The following ANP32A variants were observed in gnomAD, a reference collection of about 807,000 sequenced individuals.
ANP32A encodes the protein acidic nuclear phosphoprotein 32 family member A.
A neutral mutation model predicts 33.9 loss-of-function variants in ANP32A; 1 was observed. That is an observed-to-expected ratio of 0.03 (90% CI 0.01 to 0.14). ANP32A has a LOEUF of 0.14. ANP32A is among the 10% of genes least tolerant of loss of function. The pLI is 1.00. For missense variants in ANP32A, 155 were observed against 306.0 expected (o/e 0.51, Z 3.68); for synonymous variants, 115 against 120.5 (o/e 0.95, Z 0.30).
intron 1 of ANP32A, among the ~76,000 whole-genome samples, chr15:68,820,434 C>T (rs1470851711): frequency 6.6e-6 from 1 of 152,100 alleles, no homozygotes; most frequent in Non-Finnish European, 1.5e-5. Context: ...CACACTCGCA[C>T]GCACACTCTC....
chr15:68,782,935 T>C (rs1337251529), intron 5 of ANP32A, 21 bp downstream of exon 5: 1 of 1,551,278 alleles, frequency 6.4e-7, no homozygotes, highest in Non-Finnish European at 8.7e-7. Context: ...ACGGTGGCCC[T>C]GCCCAGCCCA....
rs553459388 is a variant in ANP32A at position 68,778,939 on chromosome 15, GACAA to G, written c.*1138_*1141del. On this transcript the variant is annotated 3_prime_UTR_variant, in exon 7 of 7. Transcript: ENST00000465139. ...AAAAGATTTATTGAAATTTATCAAT[GACAA>G]ACAGACATAAAACTCAAAGTTTGGC... is the stretch of plus-strand genomic sequence containing the variant. 3.4e-3 allele frequency: 517 copies of G among 152,240 alleles called. 6 individuals carry two copies. The highest frequency in any genetic ancestry group is 0.012 in the African/African-American group (480 of 41,548). The allele number at this position is 152,240 out of a possible 1,614,324, so 9.4% of individuals were successfully genotyped here.
intron 1 of ANP32A, among the ~76,000 whole-genome samples, chr15:68,813,718 A>C (rs1894341348): frequency 6.6e-6 from 1 of 152,202 alleles, no homozygotes; most frequent in African/African-American, 2.4e-5. Flanking sequence ...CTCCTCTTAA[A>C]CTAAGTTAGA....
intron 1 of ANP32A, among the ~76,000 whole-genome samples, chr15:68,812,511 G>C (rs1473458945): frequency 2.0e-5 from 3 of 152,132 alleles, no homozygotes; most frequent in Non-Finnish European, 2.9e-5. Flanking sequence ...GAGAGCAGCT[G>C]GAGAAGATGG....
rs1318967232 is a variant in ANP32A at position 68,787,848 on chromosome 15, T to C, written c.126A>G (p.Glu42=). The change falls in exon 2 of 7, where the codon GAA becomes GAG. Residue 42 remains glutamate (E), a synonymous_variant. Transcript: ENST00000465139. The stretch of plus-strand genomic sequence containing the variant: ...TGATTGTACTTAAGAATTCCAGTTC[T>C]TCAAATTCATCTGTGAGGCCTTCGA... The part of the protein sequence containing the change: ...GKLEGLTDEF[E]ELEFLSTINV... 6.2e-7 allele frequency: 1 copy of C among 1,614,204 alleles called. No homozygotes were observed. Among genetic ancestry groups the C allele is most frequent in the Admixed American group, 1.7e-5 (1 of 60,032 alleles).
chr15:68,780,252 T>C lies in ANP32A; in HGVS notation c.689-110A>G. 2 of 1,565,354 alleles carry C rather than the reference T, an allele frequency of 1.3e-6. No homozygotes were observed. The highest frequency in any genetic ancestry group is 1.7e-6 in the Non-Finnish European group (2 of 1,153,618). Reference sequence around the variant, plus strand: ...CATGACTAGCAAGCTGTGCCATCCTTGGAAACCGAGGCAAGACATCTGCAC... The same window carrying C: ...CATGACTAGCAAGCTGTGCCATCCTCGGAAACCGAGGCAAGACATCTGCAC... On this transcript the variant is annotated intron_variant, in intron 6 of 6. Coordinates refer to ENST00000465139, the MANE Select transcript of ANP32A (RefSeq NM_006305.4). The surrounding 1 kb of genome is among the most constrained non-coding windows in gnomAD (Gnocchi z 4.3).
intron 1 of ANP32A, among the ~76,000 whole-genome samples, chr15:68,806,982 G>A (rs4238419): frequency 1.3e-5 from 2 of 152,230 alleles, no homozygotes; most frequent in East Asian, 1.9e-4. Flanking sequence ...TCTGTACACC[G>A]TCAATGCTGC....
chr15:68,792,625 C>T (rs1021821175), intron 1 of ANP32A, among the ~76,000 whole-genome samples: 21 of 152,170 alleles, frequency 1.4e-4, no homozygotes, highest in African/African-American at 4.8e-4. Context: ...TTGGCCTTTC[C>T]CCTCTGTTCC....
intron 1 of ANP32A, among the ~76,000 whole-genome samples, chr15:68,806,533 C>G (rs1894227203): frequency 6.6e-6 from 1 of 152,218 alleles, no homozygotes; most frequent in African/African-American, 2.4e-5. Flanking sequence ...CCCAGACTCA[C>G]AGACCACACC....
intron 1 of ANP32A, among the ~76,000 whole-genome samples, chr15:68,799,075 A>T (rs1331819420): frequency 6.6e-6 from 1 of 152,256 alleles, no homozygotes; most frequent in African/African-American, 2.4e-5. Context: ...TCTCCCTTAG[A>T]CAAGTGTGAA....
chr15:68,794,974 C>A (rs951622547), intron 1 of ANP32A, among the ~76,000 whole-genome samples: 2 of 152,120 alleles, frequency 1.3e-5, no homozygotes, highest in Non-Finnish European at 2.9e-5. Context: ...CTACAGTCTG[C>A]AAAACTCTGG....
chr15:68,808,944 TTCCAGCCCACACATCCTGCCTCTTAC>T (rs1894276365), intron 1 of ANP32A, among the ~76,000 whole-genome samples: 1 of 152,284 alleles, frequency 6.6e-6, no homozygotes, highest in South Asian at 2.1e-4. Flanking sequence ...GTCTCTGCCC[TTCCAGCCCACACATCCTGCCTCTTAC>T]TTGTTCCCCA....
In ANP32A at chr15:68,784,331, A is replaced by G. The variant is rs1239535802; in HGVS notation, c.526+66T>C. The G allele has an allele frequency of 2.6e-6, 4 of 1,561,560 alleles. No individual in the cohort carries two copies. The East Asian group carries it at 9.5e-5, about 37-fold the overall frequency. On this transcript the variant is annotated intron_variant, in intron 4 of 6. Transcript: ENST00000465139. Reference sequence around the variant, plus strand: ...ACACCCAGCCCACCCACCTCTGCAAAGCCAAGGACGAGCCCCAAGGCCTCA... The same window carrying G: ...ACACCCAGCCCACCCACCTCTGCAAGGCCAAGGACGAGCCCCAAGGCCTCA...
At chr15:68,784,297 G>A in intron 4 of ANP32A, 100 bp downstream of exon 4, 1 of 1,356,676 alleles carries the variant, frequency 7.4e-7, no homozygotes. Flanking sequence ...GCTGGGTGGG[G>A]GCCTCCCAAC....
intron 1 of ANP32A, among the ~76,000 whole-genome samples, chr15:68,818,870 G>C (rs1294244299): frequency 1.3e-5 from 2 of 151,806 alleles, no homozygotes; most frequent in African/African-American, 4.8e-5. Context: ...TAGGCGCCGG[G>C]TCCCGGCCGG....
At chr15:68,782,866 C>T (rs372559498) in intron 5 of ANP32A, 90 bp downstream of exon 5, 1 of 1,518,846 alleles carries the variant, frequency 6.6e-7, no homozygotes. Context: ...CTAACCAGGG[C>T]TCCGGGGCTG....
intron 1 of ANP32A, among the ~76,000 whole-genome samples, chr15:68,809,014 C>T (rs908730046): frequency 4.1e-4 from 62 of 152,228 alleles, no homozygotes; most frequent in African/African-American, 1.5e-3. Flanking sequence ...CACCTTCCCA[C>T]CCACCCTGAG....
At chr15:68,787,148 G>C (rs1893943118) in intron 3 of ANP32A, 1 of 409,322 alleles carries the variant, frequency 2.4e-6, no homozygotes. Context: ...GGAAAAGCAG[G>C]AGACCAGAAA....
At chr15:68,814,887 C>T (rs187083421) in intron 1 of ANP32A, among the ~76,000 whole-genome samples, 3 of 152,194 alleles carry the variant, frequency 2.0e-5, no homozygotes, top group African/African-American at 2.4e-5. Context: ...AAGCTCTAAC[C>T]GTTGCAACCC....
Sources: allele counts gnomAD v4.1 joint callset (sites outside exome capture counted in the v4.1 genomes callset), GRCh38; gene constraint gnomAD v4.1.1; non-coding constraint Gnocchi (gnomAD v3.1); transcripts MANE v1.5; gene names NCBI Gene and HGNC (gene_info 2026-07-23, HGNC 2026-07-21).